Variants in CNNM1 observed in about 807,000 individuals in gnomAD.
The protein encoded by CNNM1 is cyclin and CBS domain divalent metal cation transport mediator 1.
In CNNM1, 44 loss-of-function variants were observed where a neutral mutation model predicts 78.8. The observed-to-expected ratio is 0.56, with a 90% CI of 0.44 to 0.72. CNNM1 has a LOEUF of 0.72. Ranked by LOEUF, CNNM1 falls within the 30% of genes least tolerant of loss-of-function variation. The pLI is 0.00. For synonymous variants in CNNM1, 584 were observed against 581.5 expected (o/e 1.00, Z -0.06); for missense variants, 1,101 against 1,292.2 (o/e 0.85, Z 2.27).
At chr10:99,378,847 G>A (rs918215357) in intron 7 of CNNM1, among the ~76,000 whole-genome samples, 1 of 152,216 alleles carries the variant, frequency 6.6e-6, no homozygotes, top group Non-Finnish European at 1.5e-5. Context: ...AAGTCAGTGG[G>A]CTTTAGAGTG....
intron 9 of CNNM1, among the ~76,000 whole-genome samples, chr10:99,389,416 CAAAAAA>C (rs56180037): frequency 2.4e-5 from 2 of 83,994 alleles, no homozygotes; most frequent in Admixed American, 1.4e-4. Flanking sequence ...GATTCCATCT[CAAAAAA>C]AAAAAAAAAA....
intron 6 of CNNM1, 95 bp from the exon 7 acceptor site, chr10:99,376,960 C>T (rs2031981567): frequency 3.3e-6 from 4 of 1,227,258 alleles, no homozygotes; most frequent in Admixed American, 4.1e-5. Flanking sequence ...CAGTAAACAA[C>T]ACCTGTCTCT....
chr10:99,357,800 G>A lies in CNNM1; in HGVS notation c.1717+145G>A, dbSNP rs3750895. The stretch of plus-strand genomic sequence containing the variant: ...TCAGCCACCTATGCCAGGTGCTGCT[G>A]TGGCAAGATACCCTAGTTGGAATCA... On this transcript the variant is annotated intron_variant, in intron 2 of 10. Coordinates refer to ENST00000356713, the MANE Select transcript of CNNM1 (RefSeq NM_020348.3). 85,438 of 666,026 alleles carry A rather than the reference G, an allele frequency of 0.13. 6,155 individuals are homozygous for A. Among genetic ancestry groups the A allele is most frequent in the East Asian group, 0.26 (8,540 of 32,388 alleles). The allele number at this position is 666,026 out of a possible 1,614,324, so 41.3% of individuals were successfully genotyped here. A position where few individuals can be genotyped will look rare whatever the true frequency, so the allele number is the denominator to read the frequency against.
rs2031404902 is a variant in CNNM1 at position 99,360,852 on chromosome 10, C to A, written c.1735C>A (p.Gln579Lys). The change falls in exon 3 of 11, where the codon CAG becomes AAG. Residue 579 changes from glutamine to lysine, a missense_variant. Transcript: ENST00000356713. ...CCCCACAGCTGACAATCGGAAAAAGCAGAGGGTCCCGCAACGGGAGCGGAA... is the reference window on the plus strand; with the variant it reads ...CCCCACAGCTGACAATCGGAAAAAGAAGAGGGTCCCGCAACGGGAGCGGAA... Reference protein sequence around the residue: ...TDLYTDNRKKQRVPQRERKRH... With the variant: ...TDLYTDNRKKKRVPQRERKRH... 1 of 1,608,126 alleles carries A rather than the reference C, an allele frequency of 6.2e-7. No individual in the cohort carries two copies. The highest frequency in any genetic ancestry group is 2.2e-5 in the East Asian group (1 of 44,732).
In CNNM1 at chr10:99,388,293, C is replaced by T. The variant is rs552417987; in HGVS notation, c.2666C>T (p.Thr889Met). Residue 889 changes from threonine (T) to methionine (M), a missense_variant, in exon 9 of 11, where the codon ACG becomes ATG. Physicochemically the swap from Thr to Met is moderately conservative, Grantham distance 81 (BLOSUM62 -1). Transcript: ENST00000356713. ...ACGCTGTCTCCTGCAGCCGTTCCCA[C>T]GAGAGCAGGTCAGGGAGGCCAGCTG... Reference protein sequence around the residue: ...QLTLSPAAVPTRAASDSECCN... With the variant: ...QLTLSPAAVPMRAASDSECCN... The T allele has an allele frequency of 1.5e-5, 24 of 1,613,432 alleles. No individual in the cohort carries two copies. The highest frequency in any genetic ancestry group is 6.6e-5 in the South Asian group (6 of 90,984).
chr10:99,363,494 A>T (rs1286741676), intron 4 of CNNM1, among the ~76,000 whole-genome samples: 1 of 152,192 alleles, frequency 6.6e-6, no homozygotes, highest in Admixed American at 6.5e-5. Flanking sequence ...TGGCTTTAAA[A>T]TTCCATTGTT....
intron 2 of CNNM1, 27 bp downstream of exon 2, chr10:99,357,682 C>G (rs2031270908): frequency 6.4e-7 from 1 of 1,551,014 alleles, no homozygotes; most frequent in Admixed American, 2.0e-5. Flanking sequence ...GGCTGTTCTC[C>G]AGGGTCATCT....
In CNNM1 at chr10:99,330,793, G is replaced by A. The variant is rs1564935157; in HGVS notation, c.1406G>A (p.Gly469Asp). Reference sequence around the variant, plus strand: ...TACACTCGCATCCCAGTGTACGAGGGTGACCAGCGGCACAACATTGTGGAC... The same window carrying A: ...TACACTCGCATCCCAGTGTACGAGGATGACCAGCGGCACAACATTGTGGAC... ...SGYTRIPVYE[G>D]DQRHNIVDIL... The change falls in exon 1 of 11, where the codon GGT becomes GAT. Residue 469 changes from glycine to aspartate, a missense_variant. Transcript: ENST00000356713. The A allele has an allele frequency of 1.2e-6, 2 of 1,614,146 alleles. No individual in the cohort carries two copies. The highest frequency in any genetic ancestry group is 1.1e-5 in the South Asian group (1 of 91,086).
rs562038974 is a variant in CNNM1 at position 99,329,411 on chromosome 10, A to C, written c.24A>C (p.Ala8=). The C allele has an allele frequency of 6.4e-3, 5,788 of 907,502 alleles. 34 individuals are homozygous for C. Among genetic ancestry groups the C allele is most frequent in the Non-Finnish European group, 8.0e-3 (5,006 of 628,166 alleles). The allele number at this position is 907,502 out of a possible 1,614,324, so 56.2% of individuals were successfully genotyped here. The change falls in exon 1 of 11, where the codon GCA becomes GCC. Residue 8 remains alanine, a synonymous_variant. Coordinates refer to ENST00000356713, the MANE Select transcript of CNNM1 (RefSeq NM_020348.3). MAAAAAA[A]AAVGVRLRDC... ...GGATGGCGGCGGCCGCGGCGGCGGC[A>C]GCAGCGGTGGGTGTCAGGCTCCGGG...
intron 1 of CNNM1, among the ~76,000 whole-genome samples, chr10:99,337,428 A>T (rs1042760789): frequency 5.9e-5 from 9 of 152,298 alleles, no homozygotes; most frequent in African/African-American, 2.2e-4. Context: ...GCAATGCTGA[A>T]CTCTGTGGTG....
intron 1 of CNNM1, among the ~76,000 whole-genome samples, chr10:99,338,522 G>A (rs1455782188): frequency 6.6e-6 from 1 of 151,968 alleles, no homozygotes; most frequent in East Asian, 1.9e-4. Context: ...CAGGCAATCC[G>A]CCAACCTCGG....
intron 6 of CNNM1, among the ~76,000 whole-genome samples, chr10:99,374,024 C>T (rs747531432): frequency 1.1e-4 from 16 of 152,208 alleles, no homozygotes; most frequent in Admixed American, 2.6e-4. Context: ...AATAGTGCTG[C>T]AAGAAACATA....
At chr10:99,388,413 T>C (rs1303960927) in intron 9 of CNNM1, 112 bp downstream of exon 9, 2 of 1,254,268 alleles carry the variant, frequency 1.6e-6, no homozygotes, top group African/African-American at 3.0e-5. Context: ...GCCCGTGCGT[T>C]AAACCTCCGA....
In CNNM1 at chr10:99,377,200, C is replaced by G. The variant is rs1218481323; in HGVS notation, c.2322C>G (p.Ser774Arg). ...CTGACTACTCAGTCCACATCCTCAGCGATGTGCAGTTTGTGAAGGTAACTC... is the reference window on the plus strand; with the variant it reads ...CTGACTACTCAGTCCACATCCTCAGGGATGTGCAGTTTGTGAAGGTAACTC... ...YMPDYSVHIL[S>R]DVQFVKITRQ... is the part of the protein sequence containing the mutation. Residue 774 changes from serine (S) to arginine (R), a missense_variant, in exon 7 of 11, where the codon AGC becomes AGG. Physicochemically the swap from Ser to Arg is moderately radical, Grantham distance 110. Around this residue, in one of 3 missense-constraint regions of CNNM1, gnomAD observed 348 missense variants for 384.5 expected, o/e 0.90. Transcript: ENST00000356713. The G allele has an allele frequency of 6.2e-7, 1 of 1,613,598 alleles. No homozygotes were observed. The highest frequency in any genetic ancestry group is 8.5e-7 in the Non-Finnish European group (1 of 1,179,746).
chr10:99,364,870 G>A, intron 5 of CNNM1, 85 bp from the exon 6 acceptor site: 1 of 1,294,700 alleles, frequency 7.7e-7, no homozygotes, highest in Non-Finnish European at 1.1e-6. Context: ...AATTGGTGCT[G>A]GGGGTGGATA....
chr10:99,368,665 C>G, intron 6 of CNNM1: 1 of 1,289,752 alleles, frequency 7.8e-7, no homozygotes, highest in Non-Finnish European at 1.0e-6. Flanking sequence ...AGGGGACTCT[C>G]TGGCAGGCTC....
chr10:99,372,401 G>T (rs1001588566), intron 6 of CNNM1, among the ~76,000 whole-genome samples: 1 of 152,188 alleles, frequency 6.6e-6, no homozygotes, highest in South Asian at 2.1e-4. Context: ...CAACCTGAGG[G>T]TCTGATGCAA....
In CNNM1 at chr10:99,344,932, T is replaced by G. The variant is rs184051087; in HGVS notation, c.1574-12580T>G. On this transcript the variant is annotated intron_variant, in intron 1 of 10. Coordinates refer to ENST00000356713, the MANE Select transcript of CNNM1 (RefSeq NM_020348.3). ...CGGGCATTAGCTCAGCATGCCTTCC[T>G]GCAGCCTCCAGGCATTTACAGAGTA... Among the ~76,000 whole-genome samples the G allele has an allele frequency of 6.7e-4, 102 of 152,326 alleles. 1 individual carries two copies. The East Asian group carries it at 0.019, about 28-fold the overall frequency.
At chr10:99,372,875 C>T (rs1044861530) in intron 6 of CNNM1, among the ~76,000 whole-genome samples, 4 of 152,018 alleles carry the variant, frequency 2.6e-5, no homozygotes, top group Non-Finnish European at 4.4e-5. Context: ...TTTATAGACT[C>T]GATCTTTGTA....
Sources: gnomAD v4.1 joint callset for allele counts (sites outside exome capture counted in the v4.1 genomes callset) on GRCh38, gnomAD v4.1.1 for gene constraint, gnomAD v4.1.1 regional missense constraint, MANE v1.5 for transcripts, NCBI Gene and HGNC (gene_info 2026-07-23, HGNC 2026-07-21) for gene names.